SHISAL1: variants seen among roughly 807,000 people sequenced by gnomAD.
SHISAL1 encodes the protein protein shisa-like-1.
In SHISAL1, 9 loss-of-function variants were observed where a neutral mutation model predicts 22.6. The ratio of observed to expected loss-of-function variants is 0.40; its 90% CI spans 0.24 to 0.70. The LOEUF (loss-of-function observed/expected upper bound fraction) is 0.70. Among genes scored for constraint, SHISAL1 ranks in the 30% least tolerant of loss-of-function variants. SHISAL1 has a pLI of 0.39. For synonymous variants in SHISAL1, 119 were observed against 115.4 expected (o/e 1.03, Z -0.20); for missense variants, 246 against 270.6 (o/e 0.91, Z 0.64).
intron 4 of SHISAL1, among the ~76,000 whole-genome samples, chr22:44,252,618 C>T (rs113784548): frequency 0.013 from 1,690 of 130,894 alleles, 29 homozygotes; most frequent in African/African-American, 0.045. Context: ...ATGAGCCATA[C>T]ACACTTGCTT....
chr22:44,281,569 A>T (rs1421799908), intron 4 of SHISAL1, among the ~76,000 whole-genome samples: 9 of 152,186 alleles, frequency 5.9e-5, no homozygotes, highest in Non-Finnish European at 1.3e-4. Flanking sequence ...AAAACCCAGG[A>T]CCTCCACAGT....
chr22:44,316,265 C>T (rs926693415), upstream of SHISAL1, among the ~76,000 whole-genome samples: 2 of 152,146 alleles, frequency 1.3e-5, no homozygotes, highest in African/African-American at 4.8e-5. Context: ...CTTGGGACCT[C>T]GGACAAGTGA....
chr22:44,296,835 G>A lies in SHISAL1; in HGVS notation c.118C>T (p.Arg40Cys), dbSNP rs1246516458. The A allele has an allele frequency of 4.3e-6, 7 of 1,613,286 alleles. No individual in the cohort carries two copies. The highest frequency in any genetic ancestry group is 4.5e-5 in the East Asian group (2 of 44,896). ...GGGCAGTGGAAGCCAAAGTGGTAGC[G>A]GCCTTTGTGGTCTGTGTATGGTTCA... Reference protein sequence around the residue: ...VCEPYTDHKGRYHFGFHCPRL... With the variant: ...VCEPYTDHKGCYHFGFHCPRL... Residue 40 changes from arginine (R) to cysteine (C), a missense_variant, in exon 3 of 5, where the codon CGC (arginine) becomes TGC (cysteine). Transcript: ENST00000381176.
chr22:44,273,978 G>A (rs142716841), intron 4 of SHISAL1, among the ~76,000 whole-genome samples: 4,181 of 152,178 alleles, frequency 0.027, 198 homozygotes, highest in African/African-American at 0.097. Flanking sequence ...AGCACTTTGG[G>A]AGGCTGAGGC....
At chr22:44,285,309 A>T in intron 4 of SHISAL1, 119 bp downstream of exon 4, 1 of 1,121,448 alleles carries the variant, frequency 8.9e-7, no homozygotes, top group Non-Finnish European at 1.3e-6. Context: ...AAACAACAAG[A>T]TAAGCAAACA....
At chr22:44,268,060 C>T (rs1006213414) in intron 4 of SHISAL1, among the ~76,000 whole-genome samples, 4 of 152,234 alleles carry the variant, frequency 2.6e-5, no homozygotes, top group African/African-American at 9.6e-5. Context: ...TATTCACAAC[C>T]CGCTTGTAGC....
At chr22:44,284,557 T>C (rs1276968392) in intron 4 of SHISAL1, among the ~76,000 whole-genome samples, 2 of 152,148 alleles carry the variant, frequency 1.3e-5, no homozygotes, top group Non-Finnish European at 2.9e-5. Context: ...TGACGTGCCC[T>C]GAGCCCTGTG....
chr22:44,277,724 C>T (rs1423212920), intron 4 of SHISAL1, among the ~76,000 whole-genome samples: 1 of 152,196 alleles, frequency 6.6e-6, no homozygotes, highest in Non-Finnish European at 1.5e-5. Flanking sequence ...AATTAGGAAC[C>T]CCCATGGCCT....
chr22:44,303,761 T>A (rs1052502450), intron 1 of SHISAL1, among the ~76,000 whole-genome samples: 1 of 152,150 alleles, frequency 6.6e-6, no homozygotes, highest in African/African-American at 2.4e-5. Flanking sequence ...ACCTGCATAC[T>A]TGGGGGCAGG....
Position 44,249,566 on chromosome 22 carries a change from T to C in SHISAL1, c.*119A>G, listed in dbSNP as rs1443640414. 3 of 677,828 alleles carry C rather than the reference T, an allele frequency of 4.4e-6. No individual in the cohort carries two copies. Among genetic ancestry groups the C allele is most frequent in the Non-Finnish European group, 8.4e-6 (3 of 357,980 alleles). 42.0% of individuals were successfully genotyped at this position (677,828 alleles called of 1,614,324 possible). On this transcript the variant is annotated 3_prime_UTR_variant, in exon 5 of 5. Coordinates refer to ENST00000381176, the MANE Select transcript of SHISAL1 (RefSeq NM_001099294.2). ...TTTGGGCACAGGCAGCATTTCCTCC[T>C]GTGCCACCGCCGCTACCTCGGCTGT...
At chr22:44,273,859 CAA>C (rs1268511488) in intron 4 of SHISAL1, among the ~76,000 whole-genome samples, 1 of 152,080 alleles carries the variant, frequency 6.6e-6, no homozygotes, top group Non-Finnish European at 1.5e-5. Flanking sequence ...GGGCAACTCA[CAA>C]GAGAGGAAAT....
At chr22:44,322,252 G>C in the SHISAL1 span, among the ~76,000 whole-genome samples, 2 of 152,242 alleles carry the variant, frequency 1.3e-5, no homozygotes, top group Admixed American at 1.3e-4. Flanking sequence ...GCCCAGGATA[G>C]GGCTACGGTG....
chr22:44,249,989 A>AGTTATC (rs2055036131), intron 4 of SHISAL1, among the ~76,000 whole-genome samples: 1 of 152,208 alleles, frequency 6.6e-6, no homozygotes, highest in African/African-American at 2.4e-5. Context: ...AGAAAATTTA[A>AGTTATC]CAGAATCAAC....
At chr22:44,270,211 TC>T (rs1569212982) in intron 4 of SHISAL1, among the ~76,000 whole-genome samples, 12 of 151,992 alleles carry the variant, frequency 7.9e-5, no homozygotes, top group African/African-American at 2.9e-4. Flanking sequence ...CTCTCCTATC[TC>T]GACAACCCTG....
chr22:44,272,067 A>C (rs1422071215), intron 4 of SHISAL1, among the ~76,000 whole-genome samples: 1 of 152,218 alleles, frequency 6.6e-6, no homozygotes, highest in Non-Finnish European at 1.5e-5. Context: ...CCGGGGCAGG[A>C]TTATAGGAGC....
chr22:44,249,404 A>C lies in SHISAL1; in HGVS notation c.*281T>G. 2.5e-6 allele frequency: 1 copy of C among 393,056 alleles called. No homozygotes were observed. Among genetic ancestry groups the C allele is most frequent in the Non-Finnish European group, 4.6e-6 (1 of 216,492 alleles). The allele number at this position is 393,056 out of a possible 1,614,324, so 24.3% of individuals were successfully genotyped here. On this transcript the variant is annotated 3_prime_UTR_variant, in exon 5 of 5. Coordinates refer to ENST00000381176, the MANE Select transcript of SHISAL1 (RefSeq NM_001099294.2). ...TTTGTCTTGGTCATCCTGAGTCCAC[A>C]ATGAGTCACCTCTCAGAAGCCACCA... is the stretch of plus-strand genomic sequence containing the variant.
chr22:44,275,201 G>T (rs1420318181), intron 4 of SHISAL1, among the ~76,000 whole-genome samples: 4 of 152,332 alleles, frequency 2.6e-5, no homozygotes, highest in African/African-American at 9.6e-5. Context: ...CTGCCAGGTG[G>T]AAGAGAAGAG....
At chr22:44,330,770 A>G in the SHISAL1 span, among the ~76,000 whole-genome samples, 5 of 152,100 alleles carry the variant, frequency 3.3e-5, no homozygotes, top group African/African-American at 1.2e-4. Flanking sequence ...CATGGCAACC[A>G]CGGGCACTAA....
chr22:44,303,007 T>A (rs6519835), intron 1 of SHISAL1, among the ~76,000 whole-genome samples: 77,283 of 124,916 alleles, frequency 0.62, 26,022 homozygotes, highest in East Asian at 0.83. Context: ...CTGAGGGGAC[T>A]AGATTACTTA....
Sources: gnomAD v4.1 joint callset for allele counts (sites outside exome capture counted in the v4.1 genomes callset) on GRCh38, gnomAD v4.1.1 for gene constraint, MANE v1.5 for transcripts, NCBI Gene and HGNC (gene_info 2026-07-23, HGNC 2026-07-21) for gene names.